NAALAD2: variants seen among roughly 807,000 people sequenced by gnomAD.
NAALAD2 encodes N-acetylated alpha-linked acidic dipeptidase 2.
Under a neutral mutation model 95.6 loss-of-function variants are expected in NAALAD2, and 89 were observed. The ratio of observed to expected loss-of-function variants is 0.93; its 90% CI spans 0.78 to 1.11. The LOEUF (loss-of-function observed/expected upper bound fraction) is 1.11. Ranked by LOEUF, NAALAD2 falls within the 50% of genes least tolerant of loss-of-function variation. NAALAD2 has a pLI of 0.00. For missense variants in NAALAD2, 894 were observed against 872.4 expected (o/e 1.02, Z -0.31); for synonymous variants, 264 against 294.4 (o/e 0.90, Z 1.06).
At chr11:90,171,960 G>A (rs1372922370) in intron 13 of NAALAD2, among the ~76,000 whole-genome samples, 1 of 152,104 alleles carries the variant, frequency 6.6e-6, no homozygotes, top group Non-Finnish European at 1.5e-5. Flanking sequence ...GAGCCCAGGA[G>A]TGTAAGCCAT....
chr11:90,178,386 T>C (rs1181102901), intron 16 of NAALAD2, among the ~76,000 whole-genome samples: 3 of 152,190 alleles, frequency 2.0e-5, no homozygotes, highest in African/African-American at 7.2e-5. Flanking sequence ...AAAACATTTT[T>C]ACTGGCTGGG....
intron 5 of NAALAD2, 39 bp downstream of exon 5, chr11:90,150,646 T>C (rs1470850745): frequency 6.8e-7 from 1 of 1,474,974 alleles, no homozygotes; most frequent in African/African-American, 1.4e-5. Flanking sequence ...AATGAGAGGA[T>C]ATATATATTC....
At chr11:90,146,324 C>T (rs1590964020) in intron 2 of NAALAD2, among the ~76,000 whole-genome samples, 2 of 125,388 alleles carry the variant, frequency 1.6e-5, no homozygotes. Context: ...TTTTGTTCTA[C>T]TGATGGTGGG....
intron 3 of NAALAD2, among the ~76,000 whole-genome samples, 161 bp from the exon 4 acceptor site, chr11:90,148,845 A>C (rs1951816474): frequency 6.6e-6 from 1 of 152,226 alleles, no homozygotes; most frequent in African/African-American, 2.4e-5. Flanking sequence ...GAAGACAATA[A>C]TAATGATAAG....
chr11:90,185,631 G>A (rs961722863), intron 18 of NAALAD2, among the ~76,000 whole-genome samples: 14 of 152,094 alleles, frequency 9.2e-5, no homozygotes, highest in Admixed American at 2.6e-4. Flanking sequence ...TCATGCCATT[G>A]CACTCCAGCT....
intron 11 of NAALAD2, among the ~76,000 whole-genome samples, chr11:90,165,628 A>G (rs1952419308): frequency 6.6e-6 from 1 of 152,246 alleles, no homozygotes; most frequent in Admixed American, 6.5e-5. Context: ...TTTGTTGATT[A>G]CATTTACACT....
At chr11:90,155,295 TATATATAATGTATATATTATATATA>T (rs1952033109) in intron 6 of NAALAD2, among the ~76,000 whole-genome samples, 1 of 103,978 alleles carries the variant, frequency 9.6e-6, no homozygotes, top group African/African-American at 3.3e-5. Flanking sequence ...TGCATATATG[TATATATAATGTATATATTATATATA>T]ATATATAATG....
Position 90,151,144 on chromosome 11 carries a change from C to G in NAALAD2, c.609+537C>G, listed in dbSNP as rs551477323. 4.6e-5 allele frequency among the ~76,000 whole-genome samples: 7 copies of G among 152,128 alleles called. No homozygotes were observed. The East Asian group carries it at 1.4e-3, about 29-fold the overall frequency. On this transcript the variant is annotated intron_variant, in intron 5 of 18. Coordinates refer to ENST00000534061, the MANE Select transcript of NAALAD2 (RefSeq NM_005467.4). ...AGATCCATATCACCTGGGTTCTTGT[C>G]TAGTCTGGCTCCTATTCTTTCTAGA...
intron 18 of NAALAD2, among the ~76,000 whole-genome samples, chr11:90,184,132 A>G (rs1056295214): frequency 2.6e-5 from 4 of 152,164 alleles, no homozygotes; most frequent in African/African-American, 7.2e-5. Context: ...CCGAATTAAG[A>G]TGATGATAAT....
At chr11:90,155,814 TAATA>T in intron 6 of NAALAD2, among the ~76,000 whole-genome samples, 1 of 128,342 alleles carries the variant, frequency 7.8e-6, no homozygotes, top group Non-Finnish European at 1.6e-5. Context: ...ATATAATATA[TAATA>T]TATATGTAAT....
chr11:90,144,823 G>A (rs1039658473), intron 2 of NAALAD2, among the ~76,000 whole-genome samples: 15 of 150,982 alleles, frequency 9.9e-5, no homozygotes, highest in African/African-American at 3.4e-4. Flanking sequence ...GCGAATAGTT[G>A]ATTGCAGAGC....
chr11:90,155,802 A>G, intron 6 of NAALAD2, among the ~76,000 whole-genome samples: 1 of 129,174 alleles, frequency 7.7e-6, no homozygotes, highest in South Asian at 2.4e-4. Context: ...CATATTACAC[A>G]TATATAATAT....
chr11:90,166,490 G>A (rs1952450337), intron 11 of NAALAD2, among the ~76,000 whole-genome samples: 1 of 152,138 alleles, frequency 6.6e-6, no homozygotes, highest in Admixed American at 6.5e-5. Flanking sequence ...CTCCATAAAT[G>A]GATGTCAAAC....
At chr11:90,168,294 C>T (rs753193446) in intron 11 of NAALAD2, among the ~76,000 whole-genome samples, 3 of 152,306 alleles carry the variant, frequency 2.0e-5, no homozygotes, top group Middle Eastern at 3.4e-3. Flanking sequence ...CCTTTAAGAA[C>T]GGTAACACTC....
At chr11:90,138,981 G>A (rs1951530545) in intron 2 of NAALAD2, among the ~76,000 whole-genome samples, 1 of 151,884 alleles carries the variant, frequency 6.6e-6, no homozygotes, top group South Asian at 2.1e-4. Flanking sequence ...AGTATTGACA[G>A]TCCTTTCCAT....
intron 17 of NAALAD2, 144 bp from the exon 18 acceptor site, chr11:90,182,772 A>C: frequency 1.8e-6 from 1 of 554,886 alleles, no homozygotes. Flanking sequence ...TCACCATGTA[A>C]AGCATTACTG....
chr11:90,186,312 AATG>A (rs1857140791), intron 18 of NAALAD2, among the ~76,000 whole-genome samples: 2 of 152,114 alleles, frequency 1.3e-5, no homozygotes, highest in South Asian at 4.1e-4. Context: ...GTTTACTGAG[AATG>A]ATGATTTCCA....
chr11:90,181,203 T>G (rs550528110), intron 16 of NAALAD2, among the ~76,000 whole-genome samples: 27 of 152,230 alleles, frequency 1.8e-4, no homozygotes, highest in African/African-American at 6.5e-4. Flanking sequence ...TTGAACAAGA[T>G]CTTAAATGCA....
intron 2 of NAALAD2, among the ~76,000 whole-genome samples, chr11:90,146,929 G>A (rs1256322613): frequency 6.6e-6 from 1 of 151,960 alleles, no homozygotes; most frequent in African/African-American, 2.4e-5. Context: ...AAATATATAA[G>A]ATAAACATGG....
Sources: gnomAD v4.1 joint callset for allele counts (sites outside exome capture counted in the v4.1 genomes callset) on GRCh38, gnomAD v4.1.1 for gene constraint, MANE v1.5 for transcripts, NCBI Gene and HGNC (gene_info 2026-07-23, HGNC 2026-07-21) for gene names.